The following NALF1 variants were observed in gnomAD, a reference collection of about 807,000 sequenced individuals.
NALF1 encodes the protein NALCN channel auxiliary factor 1, also known as family with sequence similarity 155 member A.
In NALF1, 3 loss-of-function variants were observed where a neutral mutation model predicts 48.4. The ratio of observed to expected loss-of-function variants is 0.06; its 90% CI spans 0.03 to 0.16. NALF1 has a LOEUF of 0.16. NALF1 is among the 10% of genes least tolerant of loss of function. The pLI, the probability that NALF1 is intolerant of heterozygous loss-of-function variation, is 1.00. For synonymous variants in NALF1, 262 were observed against 245.7 expected (o/e 1.07, Z -0.62); for missense variants, 526 against 571.5 (o/e 0.92, Z 0.81).
chr13:107,617,728 A>C (rs112343416), intron 1 of NALF1, among the ~76,000 whole-genome samples: 4,230 of 152,274 alleles, frequency 0.028, 77 homozygotes, highest in South Asian at 0.067. Context: ...GGAAAACAAA[A>C]TAAATCACTT....
intron 1 of NALF1, among the ~76,000 whole-genome samples, chr13:107,777,969 C>T (rs1439937065): frequency 2.6e-5 from 4 of 152,188 alleles, no homozygotes; most frequent in African/African-American, 9.6e-5. Flanking sequence ...ATTGTTTTTA[C>T]TTTCTATCTT....
chr13:107,695,244 C>T (rs1022744068), intron 1 of NALF1, among the ~76,000 whole-genome samples: 1 of 152,124 alleles, frequency 6.6e-6, no homozygotes, highest in African/African-American at 2.4e-5. Context: ...AGCACCTATC[C>T]TATGTCTCAA....
intron 1 of NALF1, among the ~76,000 whole-genome samples, chr13:107,828,096 G>T (rs1879574351): frequency 6.6e-6 from 1 of 152,138 alleles, no homozygotes; most frequent in African/African-American, 2.4e-5. Context: ...AGGGACTTGT[G>T]AGTTCGATTT....
rs532896929 is a variant in NALF1 at position 107,519,458 on chromosome 13, G to GT, written c.916-308704dup. Among the ~76,000 whole-genome samples, 801 of 152,240 alleles carry GT rather than the reference G, an allele frequency of 5.3e-3. 3 individuals carry two copies. Among genetic ancestry groups the GT allele is most frequent in the African/African-American group, 0.015 (637 of 41,536 alleles). Reference sequence around the variant, plus strand: ...AGTAATGGTTTCCAAAAAACCTACTGTTTTAAGAATGGTGTTCATGCCCCA... The same window carrying GT: ...AGTAATGGTTTCCAAAAAACCTACTGTTTTTAAGAATGGTGTTCATGCCCCA... On this transcript the variant is annotated intron_variant, in intron 1 of 2. Transcript: ENST00000375915.
chr13:107,611,077 C>T (rs1457118444), intron 1 of NALF1, among the ~76,000 whole-genome samples: 1 of 152,124 alleles, frequency 6.6e-6, no homozygotes, highest in African/African-American at 2.4e-5. Context: ...GCAGAAACTG[C>T]CCTGCAGGTG....
chr13:107,778,383 C>A (rs1877796486), intron 1 of NALF1, among the ~76,000 whole-genome samples: 1 of 152,144 alleles, frequency 6.6e-6, no homozygotes, highest in Admixed American at 6.5e-5. Flanking sequence ...TCTAATGTGA[C>A]ACTGTGTGAG....
chr13:107,304,618 A>T (rs763650855), intron 1 of NALF1, among the ~76,000 whole-genome samples: 1 of 152,208 alleles, frequency 6.6e-6, no homozygotes, highest in Admixed American at 6.5e-5. Context: ...TTCCTAGTCT[A>T]CCGCTTCTTA....
chr13:107,463,542 T>A (rs1164858135), intron 1 of NALF1, among the ~76,000 whole-genome samples: 1 of 152,236 alleles, frequency 6.6e-6, no homozygotes, highest in African/African-American at 2.4e-5. Flanking sequence ...GCTGTTGTTT[T>A]GCTTTGTTTT....
At chr13:107,313,211 A>G (rs1236886729) in intron 1 of NALF1, among the ~76,000 whole-genome samples, 1 of 152,138 alleles carries the variant, frequency 6.6e-6, no homozygotes. Flanking sequence ...AAAATAGAAC[A>G]CAGGGAAAAA....
intron 1 of NALF1, among the ~76,000 whole-genome samples, chr13:107,513,451 T>C (rs1014764143): frequency 6.6e-6 from 1 of 152,152 alleles, no homozygotes; most frequent in Non-Finnish European, 1.5e-5. Context: ...CAGAGGAGGT[T>C]TGTACTGTGG....
chr13:107,425,859 A>C (rs1449467839), intron 1 of NALF1, among the ~76,000 whole-genome samples: 1 of 152,088 alleles, frequency 6.6e-6, no homozygotes, highest in Non-Finnish European at 1.5e-5. Flanking sequence ...GTGATATTGG[A>C]TATCTCTGTA....
Position 107,299,435 on chromosome 13 carries a change from C to CAATAATAATAATAATAATAAT in NALF1, c.916-88701_916-88681dup, listed in dbSNP as rs549026613. 2.5e-4 allele frequency among the ~76,000 whole-genome samples: 31 copies of CAATAATAATAATAATAATAAT among 124,146 alleles called. 1 individual carries two copies. The highest frequency in any genetic ancestry group is 2.2e-3 in the Admixed American group (25 of 11,516). The allele number at this position is 124,146 out of a possible 152,430, so 81.4% of individuals were successfully genotyped here. Reference sequence around the variant, plus strand: ...TGGGCTACAGAGCGAGACTTTGTCTCAATAATAATAATAATAATAATAATA... The same window carrying CAATAATAATAATAATAATAAT: ...TGGGCTACAGAGCGAGACTTTGTCTCAATAATAATAATAATAATAATAATAATAATAATAATAATAATAATA... On this transcript the variant is annotated intron_variant, in intron 1 of 2. Coordinates refer to ENST00000375915, the MANE Select transcript of NALF1 (RefSeq NM_001080396.3).
At chr13:107,842,625 A>C (rs1880072287) in intron 1 of NALF1, among the ~76,000 whole-genome samples, 1 of 151,618 alleles carries the variant, frequency 6.6e-6, no homozygotes, top group African/African-American at 2.4e-5. Context: ...TTGGAGATTC[A>C]AAAGCACATG....
chr13:107,544,491 T>C (rs1471985147), intron 1 of NALF1, among the ~76,000 whole-genome samples: 1 of 152,120 alleles, frequency 6.6e-6, no homozygotes, highest in Non-Finnish European at 1.5e-5. Flanking sequence ...AGAGACAAAA[T>C]AGAAGCATGA....
chr13:107,483,228 T>TAA (rs1335087262), intron 1 of NALF1, among the ~76,000 whole-genome samples: 1 of 152,200 alleles, frequency 6.6e-6, no homozygotes, highest in Non-Finnish European at 1.5e-5. Context: ...ATGAATGCTT[T>TAA]AAGCTAAGCT....
intron 1 of NALF1, among the ~76,000 whole-genome samples, chr13:107,784,981 C>T (rs1878026548): frequency 6.6e-6 from 1 of 152,016 alleles, no homozygotes; most frequent in Non-Finnish European, 1.5e-5. Flanking sequence ...TTCACAATTG[C>T]AAAATCGCGG....
In NALF1 at chr13:107,167,097, A is replaced by G. The variant is rs2138757986; in HGVS notation, c.*3400T>C. The stretch of plus-strand genomic sequence containing the variant: ...TTAGCAGTACCAACATATTCCAGAA[A>G]CTGAAATTTCTCTATTGCAGATAAA... On this transcript the variant is annotated 3_prime_UTR_variant, in exon 3 of 3. Transcript: ENST00000375915. 6.6e-6 allele frequency: 1 copy of G among 152,332 alleles called. No homozygotes were observed. Among genetic ancestry groups the G allele is most frequent in the African/African-American group, 2.4e-5 (1 of 41,568 alleles). 9.4% of individuals were successfully genotyped at this position (152,332 alleles called of 1,614,324 possible).
chr13:107,684,884 A>G (rs1437615236), intron 1 of NALF1, among the ~76,000 whole-genome samples: 1 of 152,212 alleles, frequency 6.6e-6, no homozygotes, highest in African/African-American at 2.4e-5. Context: ...CTTAACACCC[A>G]GAAATGCCTT....
intron 1 of NALF1, among the ~76,000 whole-genome samples, chr13:107,354,773 A>C (rs1882933728): frequency 6.6e-6 from 1 of 152,114 alleles, no homozygotes; most frequent in South Asian, 2.1e-4. Context: ...TCCTCAGTAA[A>C]GTCCCTTATA....
Sources: allele counts gnomAD v4.1 joint callset (sites outside exome capture counted in the v4.1 genomes callset), GRCh38; gene constraint gnomAD v4.1.1; transcripts MANE v1.5; gene names NCBI Gene and HGNC (gene_info 2026-07-23, HGNC 2026-07-21).